Variants in AFF4 observed in about 807,000 individuals in gnomAD.
The protein encoded by AFF4 is ALF transcription elongation factor 4, also known as AF4/FMR2 family member 4.
A neutral mutation model predicts 124.8 loss-of-function variants in AFF4; 13 were observed. The ratio of observed to expected loss-of-function variants is 0.10; its 90% CI spans 0.07 to 0.17. The LOEUF is 0.17. AFF4 is among the 10% of genes least tolerant of loss of function. The probability of loss-of-function intolerance (pLI) is 1.00; values close to 1 mark genes in which losing one functional copy is unlikely to be tolerated. For synonymous variants in AFF4, 477 were observed against 496.1 expected (o/e 0.96, Z 0.51); for missense variants, 1,092 against 1,403.8 (o/e 0.78, Z 3.55).
At chr5:132,921,537 C>T (rs996124294) in intron 5 of AFF4, among the ~76,000 whole-genome samples, 1 of 149,776 alleles carries the variant, frequency 6.7e-6, no homozygotes, top group Middle Eastern at 3.4e-3. Context: ...GACACGATCT[C>T]GGCTCACTGC....
At chr5:132,894,120 A>G (rs1400363309) in intron 11 of AFF4, among the ~76,000 whole-genome samples, 1 of 152,228 alleles carries the variant, frequency 6.6e-6, no homozygotes, top group African/African-American at 2.4e-5. Context: ...GCTAATATGA[A>G]TAATGCTACT....
chr5:132,915,066 C>T (rs1018394375), intron 5 of AFF4, among the ~76,000 whole-genome samples: 11 of 152,102 alleles, frequency 7.2e-5, no homozygotes, highest in African/African-American at 2.2e-4. Context: ...TGGCCAGGCA[C>T]GGTGGCTCAT....
At chr5:132,892,596 G>A (rs888615593) in intron 12 of AFF4, among the ~76,000 whole-genome samples, 192 bp from the exon 13 acceptor site, 9 of 152,026 alleles carry the variant, frequency 5.9e-5, no homozygotes, top group Non-Finnish European at 1.0e-4. Flanking sequence ...TTTTATTCCC[G>A]TGGTTGTAAA....
chr5:132,950,192 C>A (rs2150110083), intron 1 of AFF4, among the ~76,000 whole-genome samples: 1 of 152,008 alleles, frequency 6.6e-6, no homozygotes, highest in Admixed American at 6.6e-5. Context: ...TAAGCCGTGC[C>A]TGGCCGGGCG....
intron 5 of AFF4, among the ~76,000 whole-genome samples, chr5:132,911,696 G>C (rs547639504): frequency 1.3e-5 from 2 of 151,740 alleles, no homozygotes; most frequent in South Asian, 2.1e-4. Context: ...TTGAGTAATA[G>C]CAAGTTTCCC....
intron 5 of AFF4, among the ~76,000 whole-genome samples, chr5:132,912,706 G>A (rs1425715433): frequency 2.0e-5 from 3 of 152,042 alleles, no homozygotes; most frequent in Non-Finnish European, 4.4e-5. Flanking sequence ...ACAATATTGT[G>A]CCATTTATAC....
At chr5:132,910,843 T>C (rs988766515) in intron 5 of AFF4, among the ~76,000 whole-genome samples, 2 of 152,190 alleles carry the variant, frequency 1.3e-5, no homozygotes, top group East Asian at 1.9e-4. Flanking sequence ...AACATTTAAA[T>C]TGTACAGCGT....
chr5:132,927,852 A>T (rs1257999331), intron 4 of AFF4, among the ~76,000 whole-genome samples: 1 of 152,216 alleles, frequency 6.6e-6, no homozygotes, highest in Non-Finnish European at 1.5e-5. Context: ...AGGAAAACAG[A>T]AAAGCAAGAC....
chr5:132,912,495 G>A (rs1190281070), intron 5 of AFF4, among the ~76,000 whole-genome samples: 1 of 151,882 alleles, frequency 6.6e-6, no homozygotes, highest in African/African-American at 2.4e-5. Context: ...TGAGCAGCTG[G>A]GACCACAGGT....
intron 4 of AFF4, 94 bp from the exon 5 acceptor site, chr5:132,927,301 A>G (rs1761194431): frequency 2.9e-6 from 3 of 1,048,744 alleles, no homozygotes. Context: ...TACTGGTTTC[A>G]TGACAGCTCC....
At chr5:132,883,209 A>C in intron 20 of AFF4, 131 bp downstream of exon 20, 1 of 849,724 alleles carries the variant, frequency 1.2e-6, no homozygotes, top group Non-Finnish European at 1.8e-6. Flanking sequence ...AGCAATGAAG[A>C]CTATTAACAA....
chr5:132,877,838 GA>G lies in AFF4; in HGVS notation c.*3220del, dbSNP rs1490936390. 9.2e-6 allele frequency: 2 copies of G among 217,774 alleles called. No individual in the cohort carries two copies. Among genetic ancestry groups the G allele is most frequent in the Non-Finnish European group, 1.8e-5 (2 of 108,228 alleles). 13.5% of individuals were successfully genotyped at this position (217,774 alleles called of 1,614,324 possible). Reference sequence around the variant, plus strand: ...GATTAAACCTTTAATGAAAAGAAACGAACAACAATTTTTTAAAAACTAGTGA... The same window carrying G: ...GATTAAACCTTTAATGAAAAGAAACGACAACAATTTTTTAAAAACTAGTGA... On this transcript the variant is annotated 3_prime_UTR_variant, in exon 21 of 21. Coordinates refer to ENST00000265343, the MANE Select transcript of AFF4 (RefSeq NM_014423.4).
At chr5:132,911,874 C>CA (rs1760798832) in intron 5 of AFF4, among the ~76,000 whole-genome samples, 2 of 143,496 alleles carry the variant, frequency 1.4e-5, no homozygotes, top group Non-Finnish European at 1.5e-5. Flanking sequence ...ATTTTACATA[C>CA]AAAAAAAAGA....
At chr5:132,954,783 G>A (rs951659438) in intron 1 of AFF4, among the ~76,000 whole-genome samples, 3 of 151,974 alleles carry the variant, frequency 2.0e-5, no homozygotes, top group Non-Finnish European at 4.4e-5. Flanking sequence ...TCCTGACCTC[G>A]TGATCCGCCC....
intron 1 of AFF4, among the ~76,000 whole-genome samples, chr5:132,954,026 TCTC>T (rs1554079062): frequency 1.1e-4 from 17 of 152,192 alleles, no homozygotes; most frequent in Non-Finnish European, 2.5e-4. Context: ...CTGACTCTTG[TCTC>T]CTCATCAGAT....
At chr5:132,935,065 A>C in intron 2 of AFF4, 124 bp from the exon 3 acceptor site, 1 of 692,118 alleles carries the variant, frequency 1.4e-6, no homozygotes, top group Non-Finnish European at 2.2e-6. Flanking sequence ...TTTACCTCAT[A>C]TCTTAACGTT....
chr5:132,889,931 G>C (rs1760212929), intron 13 of AFF4, among the ~76,000 whole-genome samples: 1 of 152,032 alleles, frequency 6.6e-6, no homozygotes, highest in African/African-American at 2.4e-5. Flanking sequence ...TACTGCACCT[G>C]GCTATATGTC....
intron 9 of AFF4, 67 bp downstream of exon 9, chr5:132,899,037 T>C (rs1387432905): frequency 1.5e-6 from 2 of 1,378,458 alleles, no homozygotes; most frequent in Non-Finnish European, 2.0e-6. Context: ...CCACTTATTA[T>C]ATCCCTGCAA....
chr5:132,955,759 T>TA (rs1372480452), intron 1 of AFF4, among the ~76,000 whole-genome samples: 2 of 120,206 alleles, frequency 1.7e-5, no homozygotes, highest in Admixed American at 1.1e-4. Context: ...GCCTGGGTGA[T>TA]AGAGTGAGAT....
Sources: gnomAD v4.1 joint callset for allele counts (sites outside exome capture counted in the v4.1 genomes callset) on GRCh38, gnomAD v4.1.1 for gene constraint, MANE v1.5 for transcripts, NCBI Gene and HGNC (gene_info 2026-07-23, HGNC 2026-07-21) for gene names.